Variants in SMIM7 observed in about 807,000 individuals in gnomAD.
SMIM7 encodes the protein small integral membrane protein 7, also known as UPF0608 protein C19orf42.
Under a neutral mutation model 13.3 loss-of-function variants are expected in SMIM7, and 12 were observed. The ratio of observed to expected loss-of-function variants is 0.90; its 90% CI spans 0.58 to 1.46. The LOEUF is 1.46. SMIM7 is among the 40% of genes most tolerant of loss of function. The probability of loss-of-function intolerance (pLI) is 0.00; values close to 1 mark genes in which losing one functional copy is unlikely to be tolerated. For synonymous variants in SMIM7, 36 were observed against 35.8 expected (o/e 1.01, Z -0.02); for missense variants, 114 against 94.8 (o/e 1.20, Z -0.84).
intron 4 of SMIM7, among the ~76,000 whole-genome samples, chr19:16,637,012 A>C (rs2086365636): frequency 6.6e-6 from 1 of 152,212 alleles, no homozygotes; most frequent in Admixed American, 6.5e-5. Flanking sequence ...CGGTCCTTTA[A>C]GATGTGGCAC....
intron 3 of SMIM7, among the ~76,000 whole-genome samples, chr19:16,658,486 G>A (rs1322521554): frequency 2.0e-5 from 3 of 152,184 alleles, no homozygotes; most frequent in African/African-American, 7.2e-5. Flanking sequence ...CATATGAAGG[G>A]GTTAGGGCTG....
chr19:16,650,627 T>G (rs1301250100), intron 4 of SMIM7, among the ~76,000 whole-genome samples: 2 of 151,922 alleles, frequency 1.3e-5, no homozygotes, highest in East Asian at 3.9e-4. Context: ...GGAGAATCAC[T>G]TGAACCTGGG....
At chr19:16,642,823 CTTT>C (rs11323250), downstream of SMIM7, among the ~76,000 whole-genome samples, 12 of 133,496 alleles carry the variant, frequency 9.0e-5, no homozygotes, top group African/African-American at 1.1e-4. Context: ...GAGACCTTAT[CTTT>C]TTTTTTTTTT....
intron 4 of SMIM7, among the ~76,000 whole-genome samples, chr19:16,649,117 C>T (rs1016077237): frequency 6.6e-6 from 1 of 152,142 alleles, no homozygotes; most frequent in Non-Finnish European, 1.5e-5. Flanking sequence ...GTGTAACCCT[C>T]GTAGGCTGCA....
chr19:16,635,920 A>G lies in SMIM7; in HGVS notation c.*138-4196T>C, dbSNP rs190710375. On this transcript the variant is annotated intron_variant and NMD_transcript_variant, in intron 4 of 4. Coordinates refer to the SMIM7 transcript ENST00000465250. The stretch of plus-strand genomic sequence containing the variant: ...AAAAAATATATATATATATATATAT[A>G]TATGTATGTATACACAATTTGACCC... Among the ~76,000 whole-genome samples, 413 of 145,392 alleles carry G rather than the reference A, an allele frequency of 2.8e-3. 2 individuals are homozygous for G. The highest frequency in any genetic ancestry group is 5.1e-3 in the Non-Finnish European group (340 of 66,648).
chr19:16,640,345 CCTT>C (rs1373015505), intron 4 of SMIM7: 2 of 152,070 alleles, frequency 1.3e-5, no homozygotes, highest in Non-Finnish European at 2.9e-5. Flanking sequence ...CCCTTTTTAT[CCTT>C]CTTTTTCTTT....
At position 16,632,170 on chromosome 19, in the gene SMIM7, T is replaced by C. The variant is rs916509982; in HGVS notation, c.*138-446A>G. 4.6e-5 allele frequency among the ~76,000 whole-genome samples: 7 copies of C among 152,108 alleles called. No individual in the cohort carries two copies. In the South Asian group the frequency reaches 1.2e-3, roughly 27 times the overall value. On this transcript the variant is annotated intron_variant and NMD_transcript_variant, in intron 4 of 4. Coordinates refer to the SMIM7 transcript ENST00000465250. ...GGCATGAGCCACCACACCCGGCCGC[T>C]GGCAGAAATTTTTAAAACCCTTTCT...
downstream of SMIM7, among the ~76,000 whole-genome samples, chr19:16,643,654 C>G (rs2086421185): frequency 6.6e-6 from 1 of 152,160 alleles, no homozygotes; most frequent in South Asian, 2.1e-4. Context: ...ACCTCAGCCT[C>G]CTAAAGTGCT....
chr19:16,654,776 T>C (rs898507346), intron 3 of SMIM7, among the ~76,000 whole-genome samples: 1 of 152,190 alleles, frequency 6.6e-6, no homozygotes, highest in Non-Finnish European at 1.5e-5. Flanking sequence ...TAAAGTTTTA[T>C]GGCACACAGC....
intron 2 of SMIM7, 196 bp downstream of exon 2, chr19:16,659,763 G>GGA (rs2086648404): frequency 9.8e-6 from 7 of 711,864 alleles, no homozygotes; most frequent in Non-Finnish European, 1.6e-5. Flanking sequence ...ACCAAGGAAC[G>GGA]GAGAGTATGG....
At chr19:16,636,979 A>C (rs1350887948) in intron 4 of SMIM7, among the ~76,000 whole-genome samples, 3 of 152,150 alleles carry the variant, frequency 2.0e-5, no homozygotes, top group African/African-American at 7.2e-5. Context: ...GAAAATTTAA[A>C]AGTAAAGAAA....
rs765188570 is a variant in SMIM7, at chr19:16,654,042, T to C, written c.205A>G (p.Met69Val). 7 of 1,613,940 alleles carry C rather than the reference T, an allele frequency of 4.3e-6. No individual in the cohort carries two copies. Among genetic ancestry groups the C allele is most frequent in the Middle Eastern group, 1.6e-4 (1 of 6,062 alleles). ...AGGGCAGGCTGGACTCACACAATCA[T>C]GCAGAACATCATGAAGATGTTCCAC... Reference protein sequence around the residue: ...ALWNIFMMFCMIVLFGS With the variant: ...ALWNIFMMFCVIVLFGS The change falls in exon 4 of 5, where the codon ATG becomes GTG. Residue 69 changes from methionine to valine, a missense_variant. Met to Val is a conservative substitution (Grantham distance 21). Coordinates refer to ENST00000487416, the MANE Select transcript of SMIM7 (RefSeq NM_024104.4).
Position 16,646,967 on chromosome 19 carries a change from G to A in SMIM7, c.*279C>T. On this transcript the variant is annotated 3_prime_UTR_variant, in exon 5 of 5. Transcript: ENST00000487416. Reference sequence around the variant, plus strand: ...GAAATGATTTTTCTTTTATCTATGGGGAATGCAATTTCATCACAGCCCCTT... The same window carrying A: ...GAAATGATTTTTCTTTTATCTATGGAGAATGCAATTTCATCACAGCCCCTT... The A allele has an allele frequency of 1.9e-6, 1 of 533,230 alleles. No individual in the cohort carries two copies. The highest frequency in any genetic ancestry group is 3.4e-6 in the Non-Finnish European group (1 of 298,254). 33.0% of individuals were successfully genotyped at this position (533,230 alleles called of 1,614,324 possible).
chr19:16,633,336 A>G (rs933621190), intron 4 of SMIM7, among the ~76,000 whole-genome samples: 1 of 151,868 alleles, frequency 6.6e-6, no homozygotes, highest in Admixed American at 6.6e-5. Context: ...CGCGCCTGTA[A>G]TCCCAGCTGC....
At chr19:16,659,896 G>C in intron 2 of SMIM7, 63 bp downstream of exon 2, 1 of 1,552,882 alleles carries the variant, frequency 6.4e-7, no homozygotes, top group Non-Finnish European at 8.7e-7. Context: ...CCGAGATCAC[G>C]CTTATGAGGG....
intron 2 of SMIM7, 154 bp downstream of exon 2, chr19:16,659,805 G>T: frequency 1.0e-6 from 1 of 966,790 alleles, no homozygotes; most frequent in Non-Finnish European, 1.6e-6. Context: ...GGGGGGCGAG[G>T]AAGATAAACC....
At chr19:16,633,357 G>C (rs757393742) in intron 4 of SMIM7, among the ~76,000 whole-genome samples, 2 of 151,246 alleles carry the variant, frequency 1.3e-5, no homozygotes, top group Non-Finnish European at 2.9e-5. Flanking sequence ...TCGGGAGGCT[G>C]AGGCAGAAGA....
chr19:16,654,823 T>G (rs1026377267), intron 3 of SMIM7, among the ~76,000 whole-genome samples: 4 of 152,198 alleles, frequency 2.6e-5, no homozygotes, highest in African/African-American at 9.7e-5. Flanking sequence ...CCTGCTGCTT[T>G]TGTACTACAA....
chr19:16,660,068 C>T lies in SMIM7; in HGVS notation c.26+17G>A, dbSNP rs1407554002. The stretch of plus-strand genomic sequence containing the variant: ...CTGCCTGGCTCTCTCTTCCCAGCCT[C>T]TGGTCCCCCTAATTACCCGAACAGC... On this transcript the variant is annotated intron_variant, in intron 1 of 4. Transcript: ENST00000487416. 9.3e-6 allele frequency: 15 copies of T among 1,614,202 alleles called. No homozygotes were observed. The African/African-American group carries it at 1.2e-4, about 13-fold the overall frequency.
Sources: allele counts gnomAD v4.1 joint callset (sites outside exome capture counted in the v4.1 genomes callset), GRCh38; gene constraint gnomAD v4.1.1; transcripts MANE v1.5; gene names NCBI Gene and HGNC (gene_info 2026-07-23, HGNC 2026-07-21).